CMTM8: variants seen among roughly 807,000 people sequenced by gnomAD.
CMTM8 encodes CKLF like MARVEL transmembrane domain containing 8, also known as CKLF-like MARVEL transmembrane domain-containing protein 8.
A neutral mutation model predicts 18.6 loss-of-function variants in CMTM8; 12 were observed. The ratio of observed to expected loss-of-function variants is 0.65; its 90% CI spans 0.41 to 1.05. The LOEUF (loss-of-function observed/expected upper bound fraction) is 1.05. CMTM8 is among the 50% of genes least tolerant of loss of function. The probability of loss-of-function intolerance (pLI) is 0.00; values close to 1 mark genes in which losing one functional copy is unlikely to be tolerated. For missense variants in CMTM8, 217 were observed against 227.2 expected, an observed-to-expected ratio of 0.95 and a Z score of 0.29; for synonymous variants, 87 against 90.6, an observed-to-expected ratio of 0.96 and a Z score of 0.23.
chr3:32,332,558 C>T (rs1696301345), intron 1 of CMTM8, among the ~76,000 whole-genome samples: 1 of 152,056 alleles, frequency 6.6e-6, no homozygotes, highest in Admixed American at 6.6e-5. Context: ...TGGGGAGGGG[C>T]TGAGAAACAA....
intron 1 of CMTM8, among the ~76,000 whole-genome samples, chr3:32,324,254 A>T (rs1696113805): frequency 6.6e-6 from 1 of 151,230 alleles, no homozygotes; most frequent in Non-Finnish European, 1.5e-5. Flanking sequence ...GTGAAGTCGT[A>T]TGCTTATAAC....
intron 1 of CMTM8, among the ~76,000 whole-genome samples, chr3:32,342,270 C>G (rs1213634978): frequency 6.6e-6 from 1 of 152,042 alleles, no homozygotes. Context: ...AAAACAAAAA[C>G]CTATTTTAGG....
At chr3:32,288,135 A>G (rs912104510) in intron 1 of CMTM8, among the ~76,000 whole-genome samples, 1 of 152,212 alleles carries the variant, frequency 6.6e-6, no homozygotes, top group Non-Finnish European at 1.5e-5. Flanking sequence ...CTTGCAATCC[A>G]TGGTCTTTTG....
chr3:32,240,319 C>A (rs1220724733), intron 1 of CMTM8, among the ~76,000 whole-genome samples: 3 of 152,228 alleles, frequency 2.0e-5, no homozygotes, highest in Non-Finnish European at 4.4e-5. Flanking sequence ...CCTCTCCCAG[C>A]TGGTTCCCTC....
At chr3:32,312,039 T>G (rs1695828688) in intron 1 of CMTM8, among the ~76,000 whole-genome samples, 1 of 152,232 alleles carries the variant, frequency 6.6e-6, no homozygotes, top group Non-Finnish European at 1.5e-5. Context: ...TCTCCTTGGT[T>G]TACGGAAGTA....
intron 1 of CMTM8, among the ~76,000 whole-genome samples, chr3:32,277,640 C>T (rs1024530180): frequency 5.9e-5 from 9 of 152,136 alleles, no homozygotes; most frequent in Non-Finnish European, 2.9e-5. Context: ...AGTTATGTTA[C>T]TTGTTCCAAT....
At chr3:32,281,073 C>G (rs1438058974) in intron 1 of CMTM8, among the ~76,000 whole-genome samples, 1 of 152,098 alleles carries the variant, frequency 6.6e-6, no homozygotes, top group Non-Finnish European at 1.5e-5. Flanking sequence ...CTCCCCAAGC[C>G]CCATCTCTGC....
chr3:32,298,956 T>TATATATA (rs34213042), intron 1 of CMTM8, among the ~76,000 whole-genome samples: 4 of 129,292 alleles, frequency 3.1e-5, no homozygotes, highest in African/African-American at 1.2e-4. Flanking sequence ...TATATATATA[T>TATATATA]TTTTTTTTTT....
intron 2 of CMTM8, among the ~76,000 whole-genome samples, chr3:32,364,785 G>A (rs1697001281): frequency 6.6e-6 from 1 of 152,168 alleles, no homozygotes; most frequent in African/African-American, 2.4e-5. Flanking sequence ...TAACACTAGG[G>A]ACAGGAGCTG....
At chr3:32,361,928 T>G (rs1696939112) in intron 2 of CMTM8, among the ~76,000 whole-genome samples, 1 of 152,202 alleles carries the variant, frequency 6.6e-6, no homozygotes, top group Non-Finnish European at 1.5e-5. Flanking sequence ...TGCATGTGTT[T>G]CCTGAGGATT....
At chr3:32,260,204 A>G in intron 1 of CMTM8, 1 of 1,365,426 alleles carries the variant, frequency 7.3e-7, no homozygotes, top group Non-Finnish European at 1.0e-6. Context: ...GTCTGAGACC[A>G]ACGACACCAA....
intron 1 of CMTM8, among the ~76,000 whole-genome samples, chr3:32,321,688 C>T (rs1030460815): frequency 6.6e-6 from 1 of 152,172 alleles, no homozygotes; most frequent in Admixed American, 6.5e-5. Context: ...GCCCTGACTT[C>T]CCGGGCTCAA....
intron 3 of CMTM8, among the ~76,000 whole-genome samples, chr3:32,369,522 G>A (rs1687195810): frequency 1.3e-5 from 2 of 151,946 alleles, no homozygotes; most frequent in Non-Finnish European, 2.9e-5. Flanking sequence ...TGGCCCACTC[G>A]ACTCATTTAT....
chr3:32,297,170 T>G (rs1702894720), intron 1 of CMTM8, among the ~76,000 whole-genome samples: 1 of 152,158 alleles, frequency 6.6e-6, no homozygotes, highest in Non-Finnish European at 1.5e-5. Flanking sequence ...ATATCTAAAC[T>G]TTATTTTTTT....
intron 1 of CMTM8, among the ~76,000 whole-genome samples, chr3:32,246,831 G>C (rs780253413): frequency 6.6e-6 from 1 of 152,234 alleles, no homozygotes; most frequent in Non-Finnish European, 1.5e-5. Context: ...GCTGGGCATA[G>C]TGGCTCATGC....
chr3:32,244,332 G>A (rs865807986), intron 1 of CMTM8, among the ~76,000 whole-genome samples: 2 of 152,328 alleles, frequency 1.3e-5, no homozygotes, highest in South Asian at 2.1e-4. Flanking sequence ...TGGGATTACA[G>A]ACATGCACTG....
chr3:32,299,509 G>T (rs1695570431), intron 1 of CMTM8, among the ~76,000 whole-genome samples: 2 of 152,156 alleles, frequency 1.3e-5, no homozygotes, highest in Non-Finnish European at 2.9e-5. Context: ...CTACATAGTA[G>T]GTGCTTATGT....
At chr3:32,246,010 GTTTCACGA>G (rs1417616853) in intron 1 of CMTM8, among the ~76,000 whole-genome samples, 1 of 152,160 alleles carries the variant, frequency 6.6e-6, no homozygotes, top group Non-Finnish European at 1.5e-5. Context: ...TAGAGACAGG[GTTTCACGA>G]AGTTAGCTAG....
chr3:32,239,144 G>C, intron 1 of CMTM8, 25 bp downstream of exon 1: 8 of 1,579,536 alleles, frequency 5.1e-6, no homozygotes, highest in Non-Finnish European at 6.9e-6. Context: ...GCCGGGGGTG[G>C]CGGGGGGCTC....
Sources: allele counts gnomAD v4.1 joint callset (sites outside exome capture counted in the v4.1 genomes callset), GRCh38; gene constraint gnomAD v4.1.1; transcripts MANE v1.5; gene names NCBI Gene and HGNC (gene_info 2026-07-23, HGNC 2026-07-21).